ITPK1: variants seen among roughly 807,000 people sequenced by gnomAD.
The protein encoded by ITPK1 is inositol-tetrakisphosphate 1-kinase.
A neutral mutation model predicts 45.3 loss-of-function variants in ITPK1; 21 were observed. That is an observed-to-expected ratio of 0.46 (90% CI 0.33 to 0.67). ITPK1 has a LOEUF of 0.67. ITPK1 is among the 30% of genes least tolerant of loss of function. The pLI, the probability that ITPK1 is intolerant of heterozygous loss-of-function variation, is 0.02. For synonymous variants in ITPK1, 258 were observed against 253.6 expected (o/e 1.02, Z -0.16); for missense variants, 474 against 573.5 (o/e 0.83, Z 1.77).
chr14:92,970,443 C>T (rs1013912149), intron 5 of ITPK1, among the ~76,000 whole-genome samples: 4 of 152,184 alleles, frequency 2.6e-5, no homozygotes, highest in Non-Finnish European at 4.4e-5. Context: ...CGCCCCTGCA[C>T]GTGGGAGACC....
At chr14:93,110,648 G>C (rs1476023152) in intron 2 of ITPK1, among the ~76,000 whole-genome samples, 1 of 152,176 alleles carries the variant, frequency 6.6e-6, no homozygotes, top group Non-Finnish European at 1.5e-5. Flanking sequence ...ACCTACCAAG[G>C]GTGGTCATAA....
chr14:93,099,099 C>T (rs1892204933), intron 2 of ITPK1, among the ~76,000 whole-genome samples: 1 of 152,206 alleles, frequency 6.6e-6, no homozygotes, highest in African/African-American at 2.4e-5. Context: ...TTCATTTCCT[C>T]TCCCCTTCCG....
chr14:92,988,304 T>A (rs985053889), intron 5 of ITPK1, among the ~76,000 whole-genome samples: 3 of 152,152 alleles, frequency 2.0e-5, no homozygotes, highest in Non-Finnish European at 4.4e-5. Context: ...CTCTGCCCGA[T>A]CTGGGGTGGG....
At chr14:92,977,721 T>C (rs543189325) in intron 5 of ITPK1, among the ~76,000 whole-genome samples, 36 of 151,884 alleles carry the variant, frequency 2.4e-4, no homozygotes, top group Non-Finnish European at 5.0e-4. Flanking sequence ...CCTTTCACCT[T>C]CCACCATCAT....
At chr14:93,053,374 C>G (rs560115215) in intron 3 of ITPK1, among the ~76,000 whole-genome samples, 1 of 152,170 alleles carries the variant, frequency 6.6e-6, no homozygotes, top group South Asian at 2.1e-4. Context: ...GTTCCCCACC[C>G]GCCCCTCTCC....
At chr14:93,030,976 G>C (rs1211176635) in intron 3 of ITPK1, among the ~76,000 whole-genome samples, 1 of 152,202 alleles carries the variant, frequency 6.6e-6, no homozygotes, top group Non-Finnish European at 1.5e-5. Flanking sequence ...AAAGATGGCT[G>C]GCAATCCACC....
intron 10 of ITPK1, among the ~76,000 whole-genome samples, chr14:92,946,070 G>T (rs1325866030): frequency 1.2e-4 from 19 of 152,202 alleles, no homozygotes; most frequent in Admixed American, 1.2e-3. Flanking sequence ...CGCAGGTGGA[G>T]AGAGGAGGTG....
intron 2 of ITPK1, among the ~76,000 whole-genome samples, chr14:93,077,152 C>T (rs1891257982): frequency 6.6e-6 from 1 of 152,206 alleles, no homozygotes; most frequent in South Asian, 2.1e-4. Flanking sequence ...CGCCAACAGC[C>T]TCCAAGCTGC....
intron 3 of ITPK1, among the ~76,000 whole-genome samples, chr14:93,045,295 C>T (rs973537533): frequency 9.2e-5 from 14 of 152,212 alleles, no homozygotes; most frequent in Non-Finnish European, 1.8e-4. Flanking sequence ...TCCATGCAGC[C>T]GGCCAGGAAA....
chr14:92,970,906 ATTACAGGCATGAGCCACCGGGCCAGCC>A lies in ITPK1; in HGVS notation c.365-8084_365-8058del, dbSNP rs1885617020. ...CGCCTCGGCCTCCCAAAGTGCTGGGATTACAGGCATGAGCCACCGGGCCAGCCTTACAGCATCTTTTGAAAGTGGGGG... is the reference window on the plus strand; with the variant it reads ...CGCCTCGGCCTCCCAAAGTGCTGGGATTACAGCATCTTTTGAAAGTGGGGG... On this transcript the variant is annotated intron_variant, in intron 5 of 10. Transcript: ENST00000267615. 2.0e-5 allele frequency among the ~76,000 whole-genome samples: 3 copies of A among 152,226 alleles called. No individual in the cohort carries two copies. In the South Asian group the frequency reaches 6.2e-4, roughly 32 times the overall value.
chr14:92,944,269 A>G (rs1011633039), intron 10 of ITPK1, among the ~76,000 whole-genome samples: 1 of 152,018 alleles, frequency 6.6e-6, no homozygotes, highest in Non-Finnish European at 1.5e-5. Flanking sequence ...AGGGTGCTCT[A>G]TGGTAAGGCG....
chr14:92,983,992 G>A (rs1192775405), intron 5 of ITPK1, among the ~76,000 whole-genome samples: 1 of 152,128 alleles, frequency 6.6e-6, no homozygotes, highest in East Asian at 1.9e-4. Flanking sequence ...TGTTCAGTGG[G>A]GACAAAGAGC....
intron 5 of ITPK1, among the ~76,000 whole-genome samples, chr14:92,976,936 C>T (rs1885973744): frequency 2.0e-5 from 3 of 152,178 alleles, no homozygotes; most frequent in African/African-American, 7.2e-5. Flanking sequence ...CTTCAGGGAC[C>T]AGGAAACAGA....
intron 3 of ITPK1, among the ~76,000 whole-genome samples, chr14:93,028,084 A>T (rs1401068644): frequency 1.3e-5 from 2 of 152,198 alleles, no homozygotes; most frequent in African/African-American, 4.8e-5. Context: ...CACACGCCCA[A>T]CATGCCCTGG....
At chr14:93,078,463 C>T (rs752333015) in intron 2 of ITPK1, among the ~76,000 whole-genome samples, 3 of 152,158 alleles carry the variant, frequency 2.0e-5, no homozygotes, top group Non-Finnish European at 4.4e-5. Context: ...CCCTCAAACC[C>T]CCGACACCTC....
intron 2 of ITPK1, among the ~76,000 whole-genome samples, chr14:93,103,906 G>A (rs1270963381): frequency 6.6e-6 from 1 of 152,234 alleles, no homozygotes; most frequent in African/African-American, 2.4e-5. Flanking sequence ...CCAGGAAGCA[G>A]CAAGCTGACC....
At chr14:93,061,246 A>G (rs1032773155) in intron 3 of ITPK1, among the ~76,000 whole-genome samples, 2 of 152,202 alleles carry the variant, frequency 1.3e-5, no homozygotes, top group Non-Finnish European at 2.9e-5. Flanking sequence ...CTGTATCTCA[A>G]TTACCCTTCT....
intron 2 of ITPK1, among the ~76,000 whole-genome samples, chr14:93,100,651 T>C (rs1892279337): frequency 2.0e-5 from 3 of 151,934 alleles, no homozygotes; most frequent in African/African-American, 7.3e-5. Flanking sequence ...GCCCCAAGGA[T>C]CTGACTCAGG....
intron 5 of ITPK1, among the ~76,000 whole-genome samples, chr14:92,966,315 CA>C (rs1482819812): frequency 6.6e-6 from 1 of 152,108 alleles, no homozygotes; most frequent in African/African-American, 2.4e-5. Context: ...TATACCCCAG[CA>C]ATGAACAATC....
Sources: allele counts gnomAD v4.1 joint callset (sites outside exome capture counted in the v4.1 genomes callset), GRCh38; gene constraint gnomAD v4.1.1; transcripts MANE v1.5; gene names NCBI Gene and HGNC (gene_info 2026-07-23, HGNC 2026-07-21).